NTN4: variants seen among roughly 807,000 people sequenced by gnomAD.
NTN4 encodes netrin 4, also known as netrin-4.
Under a neutral mutation model 73.6 loss-of-function variants are expected in NTN4, and 32 were observed. The ratio of observed to expected loss-of-function variants is 0.44; its 90% CI spans 0.33 to 0.58. The LOEUF (loss-of-function observed/expected upper bound fraction) is 0.58, where lower values mean the gene tolerates loss of function less well. Ranked by LOEUF, NTN4 falls within the 20% of genes least tolerant of loss-of-function variation. The pLI is 0.04. For synonymous variants in NTN4, 258 were observed against 287.5 expected (o/e 0.90, Z 1.04); for missense variants, 654 against 798.3 (o/e 0.82, Z 2.18).
intron 7 of NTN4, among the ~76,000 whole-genome samples, chr12:95,682,080 T>TTTTTTTTTTTTA (rs869040983): frequency 2.5e-5 from 3 of 118,456 alleles, no homozygotes; most frequent in Non-Finnish European, 3.8e-5. Context: ...TTTTTTTTTT[T>TTTTTTTTTTTTA]GAGACAAGGT....
chr12:95,684,515 C>A (rs1317163502), intron 5 of NTN4, among the ~76,000 whole-genome samples: 1 of 151,694 alleles, frequency 6.6e-6, no homozygotes, highest in Non-Finnish European at 1.5e-5. Flanking sequence ...GCTATGTTGC[C>A]CAGGCTGGTC....
intron 2 of NTN4, among the ~76,000 whole-genome samples, chr12:95,744,768 T>A (rs1039792939): frequency 9.2e-5 from 14 of 151,988 alleles, no homozygotes; most frequent in African/African-American, 3.4e-4. Flanking sequence ...GGTCCAGATA[T>A]CCATCTGGTA....
Position 95,790,168 on chromosome 12 carries a change from C to G in NTN4, c.55+87G>C, listed in dbSNP as rs1247675062. ...CGGGAGCAGCGCTCTGCGCTCGCAG[C>G]CCTGGCTCCCCTGCACCCCCGAGTC... On this transcript the variant is annotated intron_variant, in intron 1 of 9. Transcript: ENST00000343702. The surrounding 1 kb of genome is among the most constrained non-coding windows in gnomAD (Gnocchi z 6.5). 3.3e-6 allele frequency: 4 copies of G among 1,215,710 alleles called. No homozygotes were observed. The highest frequency in any genetic ancestry group is 3.4e-6 in the Non-Finnish European group (3 of 878,748). The allele number at this position is 1,215,710 out of a possible 1,614,324, so 75.3% of individuals were successfully genotyped here.
rs373975929 is a variant in NTN4 at position 95,744,973 on chromosome 12, C to T, written c.586-6829G>A. ...TCGGCACTTTAAAAGTTTCTGCCTC[C>T]GCTGTCTTCAGGCTTACGTTGTTTC... is the stretch of plus-strand genomic sequence containing the variant. On this transcript the variant is annotated intron_variant, in intron 2 of 9. Coordinates refer to ENST00000343702, the MANE Select transcript of NTN4 (RefSeq NM_021229.4). 4.6e-5 allele frequency among the ~76,000 whole-genome samples: 7 copies of T among 151,940 alleles called. No homozygotes were observed. In the East Asian group the frequency reaches 5.8e-4, roughly 13 times the overall value.
chr12:95,672,697 T>G, intron 7 of NTN4: 1 of 1,433,376 alleles, frequency 7.0e-7, no homozygotes, highest in South Asian at 1.1e-5. Context: ...TGACCATCCT[T>G]TCTACAGCAA....
intron 2 of NTN4, among the ~76,000 whole-genome samples, chr12:95,745,361 G>A (rs2078854583): frequency 6.6e-6 from 1 of 151,544 alleles, no homozygotes; most frequent in Non-Finnish European, 1.5e-5. Context: ...TTTTCTCCCT[G>A]TGTTTCATAT....
At chr12:95,674,629 G>T (rs1472135648) in intron 7 of NTN4, among the ~76,000 whole-genome samples, 2 of 152,148 alleles carry the variant, frequency 1.3e-5, no homozygotes, top group African/African-American at 4.8e-5. Context: ...AGGGTGTTTT[G>T]TTGGTAAAGT....
chr12:95,681,188 CAAAAAAAAAAAAA>C (rs11366396), intron 7 of NTN4, among the ~76,000 whole-genome samples: 1 of 95,514 alleles, frequency 1.0e-5, no homozygotes, highest in African/African-American at 4.1e-5. Flanking sequence ...GACTTTGTCT[CAAAAAAAAAAAAA>C]AAAAAAAAGA....
rs370505730 is a variant in NTN4, at chr12:95,786,931, G to A, written c.585+8C>T. Reference sequence around the variant, plus strand: ...ACTTACAGTGTAGAGTTAAACAGGTGCCCTTACCTCTCCTCCAGTGCATGG... The same window carrying A: ...ACTTACAGTGTAGAGTTAAACAGGTACCCTTACCTCTCCTCCAGTGCATGG... On this transcript the variant is annotated splice_region_variant and intron_variant, in intron 2 of 9. Transcript: ENST00000343702. The A allele has an allele frequency of 6.2e-7, 1 of 1,610,976 alleles. No homozygotes were observed. The highest frequency in any genetic ancestry group is 1.3e-5 in the African/African-American group (1 of 74,802).
chr12:95,782,241 C>T (rs932075451), intron 2 of NTN4, among the ~76,000 whole-genome samples: 1 of 152,008 alleles, frequency 6.6e-6, no homozygotes, highest in Non-Finnish European at 1.5e-5. Context: ...ATGCTAGGGA[C>T]ATACAGGTAA....
At chr12:95,709,666 T>A (rs2078548792) in intron 5 of NTN4, among the ~76,000 whole-genome samples, 1 of 151,986 alleles carries the variant, frequency 6.6e-6, no homozygotes, top group African/African-American at 2.4e-5. Context: ...CCCAAATAGC[T>A]GAAACTACAG....
In NTN4 at chr12:95,770,056, G is replaced by A. The variant is rs554232111; in HGVS notation, c.585+16883C>T. ...ACAGGTGTGAGTGACCACTCCCGGCGGGTTTTCAATCTTGTCTACTTATTA... is the reference window on the plus strand; with the variant it reads ...ACAGGTGTGAGTGACCACTCCCGGCAGGTTTTCAATCTTGTCTACTTATTA... On this transcript the variant is annotated intron_variant, in intron 2 of 9. Coordinates refer to ENST00000343702, the MANE Select transcript of NTN4 (RefSeq NM_021229.4). Among the ~76,000 whole-genome samples, 7 of 152,200 alleles carry A rather than the reference G, an allele frequency of 4.6e-5. No homozygotes were observed. The South Asian group carries it at 8.3e-4, about 18-fold the overall frequency.
chr12:95,777,769 T>C (rs1157969662), intron 2 of NTN4, among the ~76,000 whole-genome samples: 1 of 151,890 alleles, frequency 6.6e-6, no homozygotes, highest in African/African-American at 2.4e-5. Flanking sequence ...AGACAGAAAA[T>C]TAACAAGGAT....
intron 4 of NTN4, among the ~76,000 whole-genome samples, chr12:95,711,855 A>G (rs1029607237): frequency 2.0e-5 from 3 of 152,246 alleles, no homozygotes; most frequent in Non-Finnish European, 4.4e-5. Context: ...ATTTAGAATA[A>G]GAATCCAGAT....
At chr12:95,786,846 G>T (rs2079170582) in intron 2 of NTN4, 93 bp downstream of exon 2, 2 of 948,076 alleles carry the variant, frequency 2.1e-6, no homozygotes, top group Non-Finnish European at 3.2e-6. Flanking sequence ...CATTCATGTT[G>T]CTACAAGTAT....
intron 5 of NTN4, among the ~76,000 whole-genome samples, chr12:95,685,619 G>A (rs2078355202): frequency 6.6e-6 from 1 of 152,128 alleles, no homozygotes; most frequent in African/African-American, 2.4e-5. Context: ...CCTGTTCTCT[G>A]CTTTTTCCCC....
chr12:95,741,469 A>ATC, intron 2 of NTN4, among the ~76,000 whole-genome samples: 1 of 105,400 alleles, frequency 9.5e-6, no homozygotes, highest in African/African-American at 3.3e-5. Flanking sequence ...ATATATATAT[A>ATC]TATATCTCCT....
intron 5 of NTN4, among the ~76,000 whole-genome samples, chr12:95,686,244 C>T (rs112048196): frequency 2.6e-5 from 4 of 151,978 alleles, no homozygotes; most frequent in Non-Finnish European, 5.9e-5. Context: ...TGGTGCCAGC[C>T]CTCAGGGAAC....
At chr12:95,669,053 G>A (rs992541129) in intron 8 of NTN4, among the ~76,000 whole-genome samples, 3 of 152,030 alleles carry the variant, frequency 2.0e-5, no homozygotes, top group South Asian at 2.1e-4. Flanking sequence ...GAACCTGGGA[G>A]GTGGAGGTTG....
Sources: allele counts gnomAD v4.1 joint callset (sites outside exome capture counted in the v4.1 genomes callset), GRCh38; gene constraint gnomAD v4.1.1; non-coding constraint Gnocchi (gnomAD v3.1); transcripts MANE v1.5; gene names NCBI Gene and HGNC (gene_info 2026-07-23, HGNC 2026-07-21).